The following PROK2 variants were observed in gnomAD, a reference collection of about 807,000 sequenced individuals.
The protein encoded by PROK2 is prokineticin 2.
PROK2 carries 8 observed loss-of-function variants against 14.2 expected under a neutral mutation model. The ratio of observed to expected loss-of-function variants is 0.56; its 90% CI spans 0.33 to 1.02. PROK2 has a LOEUF of 1.02. Ranked by LOEUF, PROK2 falls within the 50% of genes least tolerant of loss-of-function variation. PROK2 has a pLI of 0.03. For synonymous variants in PROK2, 59 were observed against 60.7 expected (o/e 0.97, Z 0.13); for missense variants, 154 against 160.4 (o/e 0.96, Z 0.22).
At chr3:71,782,643 T>A (rs1267037580) in intron 1 of PROK2, among the ~76,000 whole-genome samples, 1 of 152,178 alleles carries the variant, frequency 6.6e-6, no homozygotes, top group East Asian at 1.9e-4. Flanking sequence ...TGTAAGAAAC[T>A]AAAACCTCTA....
At chr3:71,776,363 CATTTTTTTTTT>C (rs1221605703) in intron 2 of PROK2, among the ~76,000 whole-genome samples, 2 of 92,070 alleles carry the variant, frequency 2.2e-5, no homozygotes. Context: ...TTTCGCTTTT[CATTTTTTTTTT>C]TTTTTTTTTT....
chr3:71,779,990 T>C (rs1369929445), intron 2 of PROK2, among the ~76,000 whole-genome samples: 4 of 152,214 alleles, frequency 2.6e-5, no homozygotes, highest in Admixed American at 1.3e-4. Flanking sequence ...AGATAACTCA[T>C]AATTCAATAA....
chr3:71,780,743 A>AC (rs1290572147), intron 2 of PROK2, among the ~76,000 whole-genome samples: 7 of 151,892 alleles, frequency 4.6e-5, no homozygotes, highest in Non-Finnish European at 8.8e-5. Context: ...CCTCCCACCC[A>AC]CCCGCTTCCT....
chr3:71,781,733 C>G (rs2050162073), intron 1 of PROK2, 141 bp from the exon 2 acceptor site: 2 of 912,210 alleles, frequency 2.2e-6, no homozygotes, highest in East Asian at 5.3e-5. Context: ...AAATGATAAC[C>G]TTCATTTACT....
At chr3:71,779,310 A>C (rs530487044) in intron 2 of PROK2, among the ~76,000 whole-genome samples, 1 of 152,366 alleles carries the variant, frequency 6.6e-6, no homozygotes, top group Admixed American at 6.5e-5. Context: ...CATAAACAAC[A>C]GAGTGTCACA....
Position 71,776,364 on chromosome 3 carries a change from A to ATTTTTTTTTTTTTTTTTTTTTTTTTTTTT in PROK2, c.223-1858_223-1857insAAAAAAAAAAAAAAAAAAAAAAAAAAAAA, listed in dbSNP as rs58407323. 5.3e-5 allele frequency among the ~76,000 whole-genome samples: 4 copies of ATTTTTTTTTTTTTTTTTTTTTTTTTTTTT among 75,436 alleles called. 1 individual carries two copies. The highest frequency in any genetic ancestry group is 2.0e-4 in the African/African-American group (4 of 19,632). The allele number at this position is 75,436 out of a possible 152,430, so 49.5% of individuals were successfully genotyped here. On this transcript the variant is annotated intron_variant, in intron 2 of 3. Transcript: ENST00000295619. ...TTTTCTTTTTTTCTTTTCGCTTTTC[A>ATTTTTTTTTTTTTTTTTTTTTTTTTTTTT]TTTTTTTTTTTTTTTTTTTTTTTTT...
At chr3:71,774,873 A>G (rs942122671) in intron 2 of PROK2, among the ~76,000 whole-genome samples, 4 of 152,122 alleles carry the variant, frequency 2.6e-5, no homozygotes, top group African/African-American at 9.7e-5. Context: ...AACGACCTTT[A>G]TAGCCCATTC....
In PROK2 at chr3:71,785,079, G is replaced by T. The variant is rs1234084395; in HGVS notation, c.-27C>A. The T allele has an allele frequency of 2.0e-5, 24 of 1,223,292 alleles. No homozygotes were observed. The highest frequency in any genetic ancestry group is 4.3e-5 in the Admixed American group (1 of 23,382). 75.8% of individuals were successfully genotyped at this position (1,223,292 alleles called of 1,614,324 possible). On this transcript the variant is annotated 5_prime_UTR_variant, in exon 1 of 4. Transcript: ENST00000295619. ...GCGCCCTCGGGACTGGGCGGCCGCC[G>T]GAGGCAGTTGGGGGCGCGGGGCCCG...
At position 71,774,406 on chromosome 3, in the gene PROK2, G is replaced by A. The variant is rs754982257; in HGVS notation, c.285+39C>T. ...ACAATGTAAAGGCTAATTCTTCTGG[G>A]CATGTCTTTCGGTGGTACCACATTC... On this transcript the variant is annotated intron_variant, in intron 3 of 3. Coordinates refer to ENST00000295619, the MANE Select transcript of PROK2 (RefSeq NM_001126128.2). 9.7e-6 allele frequency: 15 copies of A among 1,551,356 alleles called. No homozygotes were observed. In the South Asian group the frequency reaches 1.4e-4, roughly 15 times the overall value.
chr3:71,778,212 T>C (rs952699056), intron 2 of PROK2, among the ~76,000 whole-genome samples: 4 of 150,696 alleles, frequency 2.7e-5, no homozygotes, highest in Non-Finnish European at 5.9e-5. Flanking sequence ...AATAAATAAA[T>C]AAAATAAAAT....
chr3:71,775,340 G>T (rs953869849), intron 2 of PROK2, among the ~76,000 whole-genome samples: 6 of 152,162 alleles, frequency 3.9e-5, no homozygotes, highest in Admixed American at 3.3e-4. Flanking sequence ...AGCATACAAT[G>T]ATGAGCAACA....
At chr3:71,772,868 T>G (rs774569869) in intron 3 of PROK2, 40 bp from the exon 4 acceptor site, 1 of 1,566,856 alleles carries the variant, frequency 6.4e-7, no homozygotes, top group East Asian at 2.2e-5. Flanking sequence ...TGGAAAGGTT[T>G]CAAAAACAAA....
Position 71,772,593 on chromosome 3 carries a change from TA to T in PROK2, c.*130del. 1 of 785,362 alleles carries T rather than the reference TA, an allele frequency of 1.3e-6. No homozygotes were observed. Among genetic ancestry groups the T allele is most frequent in the Non-Finnish European group, 2.2e-6 (1 of 465,030 alleles). 48.6% of individuals were successfully genotyped at this position (785,362 alleles called of 1,614,324 possible). A position where few individuals can be genotyped will look rare whatever the true frequency, so the allele number is the denominator to read the frequency against. On this transcript the variant is annotated 3_prime_UTR_variant, in exon 4 of 4. Coordinates refer to ENST00000295619, the MANE Select transcript of PROK2 (RefSeq NM_001126128.2). ...AAAAAAATCATTTACAAATCAAAGA[TA>T]AAAATGTTACTTGGAAAGTTGAGGA...
At chr3:71,780,176 G>A (rs1332762301) in intron 2 of PROK2, among the ~76,000 whole-genome samples, 1 of 152,212 alleles carries the variant, frequency 6.6e-6, no homozygotes, top group Non-Finnish European at 1.5e-5. Flanking sequence ...AACCACAGGA[G>A]GGATGGTTTA....
rs2050087839 is a variant in PROK2, at chr3:71,772,561, A to T, written c.*163T>A. On this transcript the variant is annotated 3_prime_UTR_variant, in exon 4 of 4. Coordinates refer to ENST00000295619, the MANE Select transcript of PROK2 (RefSeq NM_001126128.2). ...CCAAAAGTAAAATTCTCTTTCGATA[A>T]AAAAAAAAAAAAATCATTTACAAAT... The T allele has an allele frequency of 2.3e-5, 8 of 352,110 alleles. No individual in the cohort carries two copies. Among genetic ancestry groups the T allele is most frequent in the East Asian group, 4.9e-5 (1 of 20,330 alleles). The allele number at this position is 352,110 out of a possible 1,614,324, so 21.8% of individuals were successfully genotyped here.
intron 2 of PROK2, 49 bp from the exon 3 acceptor site, chr3:71,774,556 A>T: frequency 6.5e-7 from 1 of 1,542,454 alleles, no homozygotes; most frequent in Non-Finnish European, 8.7e-7. Flanking sequence ...AAAGGGAAGA[A>T]AAAGAGGCAA....
Position 71,785,139 on chromosome 3 carries a change from C to G in PROK2, c.-87G>C. On this transcript the variant is annotated 5_prime_UTR_variant, in exon 1 of 4. Transcript: ENST00000295619. ...GGTGGAGCGCGGAGCGGCGGGCGGA[C>G]GGGCGCGGCGGCTCCCGCGAGCCTC... 2 of 900,732 alleles carry G rather than the reference C, an allele frequency of 2.2e-6. No homozygotes were observed. The highest frequency in any genetic ancestry group is 1.4e-6 in the Non-Finnish European group (1 of 696,902). The allele number at this position is 900,732 out of a possible 1,614,324, so 55.8% of individuals were successfully genotyped here.
intron 2 of PROK2, among the ~76,000 whole-genome samples, chr3:71,776,372 T>G (rs1481397282): frequency 2.9e-4 from 33 of 113,638 alleles, no homozygotes; most frequent in African/African-American, 1.4e-3. Flanking sequence ...TCATTTTTTT[T>G]TTTTTTTTTT....
At chr3:71,784,377 C>G (rs1048070969) in intron 1 of PROK2, among the ~76,000 whole-genome samples, 8 of 152,336 alleles carry the variant, frequency 5.3e-5, no homozygotes, top group African/African-American at 1.9e-4. Flanking sequence ...AGACCCTGAG[C>G]GCGGGGGAAA....
Sources: gnomAD v4.1 joint callset for allele counts (sites outside exome capture counted in the v4.1 genomes callset) on GRCh38, gnomAD v4.1.1 for gene constraint, MANE v1.5 for transcripts, NCBI Gene and HGNC (gene_info 2026-07-23, HGNC 2026-07-21) for gene names.